KLHDC8A: variants seen among roughly 807,000 people sequenced by gnomAD.
KLHDC8A encodes the protein kelch domain-containing protein 8A.
KLHDC8A carries 21 observed loss-of-function variants against 33.1 expected under a neutral mutation model. The ratio of observed to expected loss-of-function variants is 0.64; its 90% CI spans 0.45 to 0.91. The LOEUF (loss-of-function observed/expected upper bound fraction) is 0.91. Ranked by LOEUF, KLHDC8A falls within the 40% of genes least tolerant of loss-of-function variation. The pLI, the probability that KLHDC8A is intolerant of heterozygous loss-of-function variation, is 0.00. For missense variants in KLHDC8A, 435 were observed against 483.3 expected, an observed-to-expected ratio of 0.90 and a Z score of 0.94; for synonymous variants, 173 against 193.5, an observed-to-expected ratio of 0.89 and a Z score of 0.88.
Position 205,339,436 on chromosome 1 carries a change from G to A in KLHDC8A, c.542-27C>T. ...TGGGGGCCAGAGCAGGATAGAGGTT[G>A]GGCAGAAGGGTTGTCCCTGAGGACA... On this transcript the variant is annotated intron_variant, in intron 3 of 5. Transcript: ENST00000367155. The surrounding 1 kb of genome is among the most constrained non-coding windows in gnomAD (Gnocchi z 5.1). 6.3e-7 allele frequency: 1 copy of A among 1,598,170 alleles called. No homozygotes were observed. Among genetic ancestry groups the A allele is most frequent in the Non-Finnish European group, 8.6e-7 (1 of 1,167,414 alleles).
intron 1 of KLHDC8A, among the ~76,000 whole-genome samples, chr1:205,350,119 A>ATTGTGGT (rs1185360207): frequency 6.6e-6 from 1 of 152,162 alleles, no homozygotes; most frequent in Non-Finnish European, 1.5e-5. Flanking sequence ...GTCTGGCCCC[A>ATTGTGGT]CCAGCTCTCA....
At chr1:205,349,641 C>T (rs905398134) in intron 1 of KLHDC8A, among the ~76,000 whole-genome samples, 9 of 152,098 alleles carry the variant, frequency 5.9e-5, no homozygotes, top group African/African-American at 1.2e-4. Context: ...CTGAGGAAAT[C>T]GTAAGAGGAA....
In KLHDC8A at chr1:205,339,092, G is replaced by T. The variant is rs1444840261; in HGVS notation, c.757+102C>A. ...ACTTCTGAGAAGCTTGCCCAGCTGG[G>T]TAAACGGCCCTGGAAGATGGCTGGA... On this transcript the variant is annotated intron_variant, in intron 4 of 5. Transcript: ENST00000367155. The surrounding 1 kb of genome is among the most constrained non-coding windows in gnomAD (Gnocchi z 5.1). The T allele has an allele frequency of 2.8e-5, 27 of 954,910 alleles. No homozygotes were observed. Among genetic ancestry groups the T allele is most frequent in the Non-Finnish European group, 4.0e-5 (25 of 628,546 alleles). 59.2% of individuals were successfully genotyped at this position (954,910 alleles called of 1,614,324 possible). A position where few individuals can be genotyped will look rare whatever the true frequency, so the allele number is the denominator to read the frequency against.
intron 2 of KLHDC8A, among the ~76,000 whole-genome samples, chr1:205,341,416 G>A (rs1284012146): frequency 6.6e-6 from 1 of 151,734 alleles, no homozygotes; most frequent in Non-Finnish European, 1.5e-5. Context: ...TGCTAATGAG[G>A]AATTCACCTT....
chr1:205,339,235 G>A lies in KLHDC8A; in HGVS notation c.716C>T (p.Pro239Leu). Residue 239 changes from proline (P) to leucine (L), a missense_variant, in exon 4 of 6, where the codon CCC (proline) becomes CTC (leucine). Transcript: ENST00000367155. The surrounding 1 kb of genome is among the most constrained non-coding windows in gnomAD (Gnocchi z 5.1). ...GLRQGRLYRQPKFLRTMDVFD... is the reference protein window; with the variant it reads ...GLRQGRLYRQLKFLRTMDVFD... ...CACGTCCATCGTCCGCAGGAACTTG[G>A]GCTGCCGGTAGAGGCGACCTTGCCG... The A allele has an allele frequency of 6.2e-7, 1 of 1,614,182 alleles. No homozygotes were observed. The highest frequency in any genetic ancestry group is 8.5e-7 in the Non-Finnish European group (1 of 1,180,018).
intron 5 of KLHDC8A, among the ~76,000 whole-genome samples, chr1:205,338,211 A>C (rs1355932590): frequency 6.6e-6 from 1 of 152,174 alleles, no homozygotes; most frequent in Non-Finnish European, 1.5e-5. Context: ...ATTCCCGTTT[A>C]GGGATCTGTG....
rs74140887 is a variant in KLHDC8A at position 205,343,118 on chromosome 1, T to C, written c.376+111A>G. On this transcript the variant is annotated intron_variant, in intron 2 of 5. Coordinates refer to ENST00000367155, the MANE Select transcript of KLHDC8A (RefSeq NM_018203.3). Reference sequence around the variant, plus strand: ...GCTGAACGCATGGGGTCTGCAGAAATATGGCACTAAACTCCACAGCCCACA... The same window carrying C: ...GCTGAACGCATGGGGTCTGCAGAAACATGGCACTAAACTCCACAGCCCACA... 3.9e-3 allele frequency: 5,575 copies of C among 1,429,880 alleles called. 176 individuals carry two copies. The African/African-American group carries it at 0.067, about 17-fold the overall frequency. 88.6% of individuals were successfully genotyped at this position (1,429,880 alleles called of 1,614,324 possible).
intron 5 of KLHDC8A, 106 bp from the exon 6 acceptor site, chr1:205,337,698 G>T: frequency 2.7e-6 from 2 of 753,480 alleles, no homozygotes; most frequent in Non-Finnish European, 4.3e-6. Context: ...CAGAAGCCAA[G>T]CAAGGTCAAC....
rs560674599 is a variant in KLHDC8A, at chr1:205,346,049, A to G, written c.-189-2256T>C. On this transcript the variant is annotated intron_variant, in intron 1 of 5. Coordinates refer to ENST00000367155, the MANE Select transcript of KLHDC8A (RefSeq NM_018203.3). ...AGATTGCACCATTGCACTCCATCCA[A>G]CGGGCCCATCTTACTACTTTGAGTT... is the stretch of plus-strand genomic sequence containing the variant. Among the ~76,000 whole-genome samples, 170 of 152,314 alleles carry G rather than the reference A, an allele frequency of 1.1e-3. 1 individual carries two copies. The highest frequency in any genetic ancestry group is 3.8e-3 in the African/African-American group (160 of 41,568).
intron 1 of KLHDC8A, among the ~76,000 whole-genome samples, chr1:205,349,448 G>T (rs1345782571): frequency 6.6e-6 from 1 of 152,148 alleles, no homozygotes; most frequent in Non-Finnish European, 1.5e-5. Context: ...GGTAAAACTG[G>T]GACATTGGAA....
In KLHDC8A at chr1:205,343,517, C is replaced by G; in HGVS notation, c.88G>C (p.Gly30Arg). Residue 30 changes from glycine to arginine, a missense_variant, in exon 2 of 6, where the codon GGG becomes CGG. Gly to Arg is a moderately radical substitution (Grantham distance 125). Transcript: ENST00000367155. ...CCCCCGATGGCATAGACCTGGCCCC[C>G]GGTCTCCAGCAGGGAGCAGTAGACC... is the stretch of plus-strand genomic sequence containing the variant. ...RRVYCSLLET[G>R]GQVYAIGGCD... 2.5e-6 allele frequency: 4 copies of G among 1,613,314 alleles called. No individual in the cohort carries two copies. Among genetic ancestry groups the G allele is most frequent in the South Asian group, 1.1e-5 (1 of 91,066 alleles).
At chr1:205,337,797 TA>T (rs974982292) in intron 5 of KLHDC8A, among the ~76,000 whole-genome samples, 3 of 152,084 alleles carry the variant, frequency 2.0e-5, no homozygotes, top group African/African-American at 7.2e-5. Flanking sequence ...CCTGTCTCTT[TA>T]AGAGTAAGCT....
Position 205,338,572 on chromosome 1 carries a change from G to C in KLHDC8A, c.782C>G (p.Ser261Trp), listed in dbSNP as rs766875332. 2 of 1,614,006 alleles carry C rather than the reference G, an allele frequency of 1.2e-6. No individual in the cohort carries two copies. The highest frequency in any genetic ancestry group is 1.3e-5 in the African/African-American group (1 of 74,914). Residue 261 changes from serine to tryptophan, a missense_variant, in exon 5 of 6, where the codon TCG becomes TGG. Coordinates refer to ENST00000367155, the MANE Select transcript of KLHDC8A (RefSeq NM_018203.3). ...TGCCCGCCGCTTCTTGAGGAAGAAC[G>C]ATCGTTCCATCTTCAGCCATCCCCC... Reference protein sequence around the residue: ...EQGGWLKMERSFFLKKRRADF... With the variant: ...EQGGWLKMERWFFLKKRRADF...
At position 205,343,683 on chromosome 1, in the gene KLHDC8A, G is replaced by A. The variant is rs895727855; in HGVS notation, c.-79C>T. 3.5e-6 allele frequency: 5 copies of A among 1,419,062 alleles called. No individual in the cohort carries two copies. In the East Asian group the frequency reaches 7.3e-5, roughly 21 times the overall value. 87.9% of individuals were successfully genotyped at this position (1,419,062 alleles called of 1,614,324 possible). A position where few individuals can be genotyped will look rare whatever the true frequency, so the allele number is the denominator to read the frequency against. ...CCGGCTACTTGGCGCCGGCTCCCAC[G>A]GCCCCTATCGCCACCTCCATCTGGC... On this transcript the variant is annotated 5_prime_UTR_variant, in exon 2 of 6. Coordinates refer to ENST00000367155, the MANE Select transcript of KLHDC8A (RefSeq NM_018203.3).
Position 205,336,265 on chromosome 1 carries a change from G to T in KLHDC8A, c.*1134C>A, listed in dbSNP as rs1662626737. On this transcript the variant is annotated 3_prime_UTR_variant, in exon 6 of 6. Coordinates refer to ENST00000367155, the MANE Select transcript of KLHDC8A (RefSeq NM_018203.3). ...GACTAGACATAAGAAGGACTGAGCT[G>T]CTGATGAGTTATGAATGGAAGACTA... 6.6e-6 allele frequency: 1 copy of T among 152,224 alleles called. No homozygotes were observed. Among genetic ancestry groups the T allele is most frequent in the South Asian group, 2.1e-4 (1 of 4,824 alleles). 9.4% of individuals were successfully genotyped at this position (152,224 alleles called of 1,614,324 possible).
At chr1:205,355,084 C>T (rs139376676) in intron 1 of KLHDC8A, among the ~76,000 whole-genome samples, 39 of 152,298 alleles carry the variant, frequency 2.6e-4, no homozygotes, top group African/African-American at 9.1e-4. Context: ...AGGCTCTGAG[C>T]CTGGCTCTCT....
chr1:205,351,233 G>A lies in KLHDC8A; in HGVS notation c.-190+5300C>T, dbSNP rs1218925100. 1.9e-4 allele frequency: 149 copies of A among 801,154 alleles called. No individual in the cohort carries two copies. In the East Asian group the frequency reaches 2.9e-3, roughly 16 times the overall value. The allele number at this position is 801,154 out of a possible 1,614,324, so 49.6% of individuals were successfully genotyped here. ...GAGCAGGCTTTCGATCTGTGAGCCCGCGGAGTATACACCATGAGCAAAGCT... is the reference window on the plus strand; with the variant it reads ...GAGCAGGCTTTCGATCTGTGAGCCCACGGAGTATACACCATGAGCAAAGCT... On this transcript the variant is annotated intron_variant, in intron 1 of 5. Transcript: ENST00000367155.
chr1:205,352,261 C>T (rs147503654), intron 1 of KLHDC8A, among the ~76,000 whole-genome samples: 97 of 152,272 alleles, frequency 6.4e-4, no homozygotes, highest in Admixed American at 6.5e-4. Flanking sequence ...AGGGAGGTCC[C>T]GCTCACTCTC....
intron 1 of KLHDC8A, among the ~76,000 whole-genome samples, chr1:205,354,887 T>A (rs1420331822): frequency 6.6e-6 from 1 of 152,244 alleles, no homozygotes. Context: ...GTTAAATGAT[T>A]GATTCCTTTG....
Sources: gnomAD v4.1 joint callset for allele counts (sites outside exome capture counted in the v4.1 genomes callset) on GRCh38, gnomAD v4.1.1 for gene constraint, Gnocchi (gnomAD v3.1) non-coding constraint, MANE v1.5 for transcripts, NCBI Gene and HGNC (gene_info 2026-07-23, HGNC 2026-07-21) for gene names.